Variants in RNF216 observed in about 807,000 individuals in gnomAD.
The protein encoded by RNF216 is E3 ubiquitin-protein ligase RNF216.
RNF216 carries 72 observed loss-of-function variants against 110.8 expected under a neutral mutation model. The ratio of observed to expected loss-of-function variants is 0.65; its 90% confidence interval spans 0.54 to 0.79. The LOEUF is 0.79. RNF216 is among the 30% of genes least tolerant of loss of function. The probability of loss-of-function intolerance (pLI) is 0.00; values close to 1 mark genes in which losing one functional copy is unlikely to be tolerated. For synonymous variants in RNF216, 495 were observed against 407.5 expected (o/e 1.21, Z -2.59); for missense variants, 1,342 against 1,141.2 (o/e 1.18, Z -2.54).
intron 1 of RNF216, among the ~76,000 whole-genome samples, chr7:5,768,563 C>T (rs1473015294): frequency 2.6e-5 from 4 of 151,808 alleles, no homozygotes; most frequent in Non-Finnish European, 4.4e-5. Context: ...TATGCCATGC[C>T]GTAACAAATT....
chr7:5,740,283 C>T (rs980092803), intron 4 of RNF216, among the ~76,000 whole-genome samples: 19 of 151,848 alleles, frequency 1.3e-4, no homozygotes, highest in South Asian at 1.2e-3. Context: ...CCCGCCACCA[C>T]GCCCGGCTAA....
intron 1 of RNF216, among the ~76,000 whole-genome samples, chr7:5,777,141 G>C (rs924782260): frequency 6.7e-6 from 1 of 150,312 alleles, no homozygotes; most frequent in South Asian, 2.1e-4. Context: ...CCTTCCAGCA[G>C]TCTTTGACAA....
chr7:5,716,782 G>C lies in RNF216; in HGVS notation c.1645-16C>G. ...AGTCTTCATGCTGAAGAACAAAAAA[G>C]GCACACATTCAGACACAAATTTAGT... On this transcript the variant is annotated splice_polypyrimidine_tract_variant and intron_variant, in intron 9 of 16. Transcript: ENST00000389902. 3.1e-6 allele frequency: 5 copies of C among 1,599,854 alleles called. No individual in the cohort carries two copies. The highest frequency in any genetic ancestry group is 4.3e-6 in the Non-Finnish European group (5 of 1,171,956).
intron 14 of RNF216, among the ~76,000 whole-genome samples, chr7:5,643,863 C>T (rs1366338001): frequency 2.0e-5 from 3 of 152,152 alleles, no homozygotes; most frequent in Non-Finnish European, 2.9e-5. Flanking sequence ...CAACCCACAG[C>T]GTGCTTTTGG....
At chr7:5,770,720 T>C (rs1302537123) in intron 1 of RNF216, among the ~76,000 whole-genome samples, 1 of 151,778 alleles carries the variant, frequency 6.6e-6, no homozygotes, top group Non-Finnish European at 1.5e-5. Flanking sequence ...AGATATTGTA[T>C]TACTATTAAG....
chr7:5,700,420 A>G (rs1791890728), intron 13 of RNF216, among the ~76,000 whole-genome samples: 1 of 152,228 alleles, frequency 6.6e-6, no homozygotes, highest in Non-Finnish European at 1.5e-5. Flanking sequence ...AGGGATTTTT[A>G]TTGTGAAATT....
intron 1 of RNF216, among the ~76,000 whole-genome samples, chr7:5,765,875 C>A (rs944188395): frequency 1.6e-4 from 24 of 149,354 alleles, no homozygotes. Flanking sequence ...ATTGCTTGAA[C>A]CCGGGAGGCA....
At chr7:5,777,643 C>G (rs1796857396) in intron 1 of RNF216, 2 of 152,106 alleles carry the variant, frequency 1.3e-5, no homozygotes, top group African/African-American at 2.4e-5. Context: ...TAAGGAAGAA[C>G]AAAGCAGATG....
chr7:5,729,667 G>C (rs1793972979), intron 6 of RNF216, 71 bp from the exon 7 acceptor site: 1 of 1,246,894 alleles, frequency 8.0e-7, no homozygotes, highest in South Asian at 1.3e-5. Context: ...ATCATTTTAA[G>C]AATTACATGT....
chr7:5,702,122 G>C (rs761643221), intron 13 of RNF216, among the ~76,000 whole-genome samples: 4 of 152,182 alleles, frequency 2.6e-5, no homozygotes, highest in East Asian at 1.9e-4. Flanking sequence ...GCTCTGAAAT[G>C]CAGGTGGGTG....
At position 5,624,157 on chromosome 7, in the gene RNF216, G is replaced by A. The variant is rs746570618; in HGVS notation, c.2383-32C>T. The A allele has an allele frequency of 2.5e-6, 4 of 1,587,934 alleles. No individual in the cohort carries two copies. In the South Asian group the frequency reaches 3.3e-5, roughly 13 times the overall value. Reference sequence around the variant, plus strand: ...CGCAAGCAATGAGAAGGATGAACCTGTAGCTTCATGCAGTGCTGAGGCCCC... The same window carrying A: ...CGCAAGCAATGAGAAGGATGAACCTATAGCTTCATGCAGTGCTGAGGCCCC... On this transcript the variant is annotated intron_variant, in intron 15 of 16. Coordinates refer to ENST00000389902, the MANE Select transcript of RNF216 (RefSeq NM_207111.4). The surrounding 1 kb of genome is among the most constrained non-coding windows in gnomAD (Gnocchi z 4.4).
chr7:5,654,525 A>G (rs926127005), intron 13 of RNF216, among the ~76,000 whole-genome samples: 1 of 151,748 alleles, frequency 6.6e-6, no homozygotes, highest in Non-Finnish European at 1.5e-5. Flanking sequence ...CACCTCTAAT[A>G]AAAATACAAA....
chr7:5,628,505 T>C (rs1219606293), intron 15 of RNF216, among the ~76,000 whole-genome samples: 1 of 152,186 alleles, frequency 6.6e-6, no homozygotes. Context: ...AGCTAATATG[T>C]TAGACTCTAA....
chr7:5,779,348 A>AG (rs1433556953), intron 1 of RNF216, among the ~76,000 whole-genome samples: 9 of 152,106 alleles, frequency 5.9e-5, no homozygotes, highest in Admixed American at 3.3e-4. Flanking sequence ...GAGGTTTGCC[A>AG]GGGGGTCCAA....
At chr7:5,665,079 C>T (rs1350439001) in intron 13 of RNF216, among the ~76,000 whole-genome samples, 5 of 151,842 alleles carry the variant, frequency 3.3e-5, no homozygotes, top group Non-Finnish European at 7.4e-5. Context: ...ATTACAGGCA[C>T]GAACCACCGC....
intron 15 of RNF216, among the ~76,000 whole-genome samples, chr7:5,630,856 G>A (rs1009032543): frequency 1.3e-5 from 2 of 152,176 alleles, no homozygotes; most frequent in Non-Finnish European, 2.9e-5. Context: ...CTGCAGATGA[G>A]GAAACCCTGG....
intron 8 of RNF216, among the ~76,000 whole-genome samples, chr7:5,722,481 C>T (rs1415339384): frequency 1.3e-5 from 2 of 151,764 alleles, no homozygotes; most frequent in East Asian, 3.9e-4. Context: ...GCTCCGCCCC[C>T]CGGGGTTCAC....
intron 8 of RNF216, among the ~76,000 whole-genome samples, chr7:5,722,533 G>T (rs1406684944): frequency 6.6e-6 from 1 of 151,720 alleles, no homozygotes; most frequent in Non-Finnish European, 1.5e-5. Flanking sequence ...TGGGACTACA[G>T]GCGCCCGCCA....
chr7:5,756,759 G>A (rs578065444), intron 2 of RNF216, among the ~76,000 whole-genome samples: 249 of 152,176 alleles, frequency 1.6e-3, no homozygotes, highest in Non-Finnish European at 3.0e-3. Flanking sequence ...CAAGTACCTG[G>A]GACCTGGTAA....
Sources: gnomAD v4.1 joint callset for allele counts (sites outside exome capture counted in the v4.1 genomes callset) on GRCh38, gnomAD v4.1.1 for gene constraint, Gnocchi (gnomAD v3.1) non-coding constraint, MANE v1.5 for transcripts, NCBI Gene and HGNC (gene_info 2026-07-23, HGNC 2026-07-21) for gene names.